CCDC192: variants seen among roughly 807,000 people sequenced by gnomAD.
CCDC192 encodes coiled-coil domain containing 192.
chr5:127,784,148 T>G (rs952247533), intron 3 of CCDC192, among the ~76,000 whole-genome samples: 2 of 152,226 alleles, frequency 1.3e-5, no homozygotes, highest in Non-Finnish European at 2.9e-5. Flanking sequence ...TATTGAGATG[T>G]GAGGCACCAT....
intron 6 of CCDC192, among the ~76,000 whole-genome samples, chr5:127,940,060 T>A (rs1019731491): frequency 1.3e-5 from 2 of 152,188 alleles, no homozygotes; most frequent in Non-Finnish European, 2.9e-5. Flanking sequence ...AAGATGGACT[T>A]GAGTTTAAGG....
chr5:127,713,193 C>A (rs1310746658), intron 2 of CCDC192, among the ~76,000 whole-genome samples: 1 of 151,544 alleles, frequency 6.6e-6, no homozygotes, highest in Non-Finnish European at 1.5e-5. Context: ...GAGATCACAC[C>A]ATTGGACTCC....
At chr5:127,738,410 T>C (rs1753165326) in intron 2 of CCDC192, among the ~76,000 whole-genome samples, 1 of 140,174 alleles carries the variant, frequency 7.1e-6, no homozygotes, top group Non-Finnish European at 1.5e-5. Flanking sequence ...TTATGTGTCT[T>C]GGAGTTGCTC....
intron 6 of CCDC192, among the ~76,000 whole-genome samples, chr5:127,888,241 C>G (rs2127152790): frequency 6.6e-6 from 1 of 151,894 alleles, no homozygotes; most frequent in African/African-American, 2.4e-5. Context: ...CATGGTGAAA[C>G]CCCACCTCTA....
At chr5:127,845,744 A>G (rs969734326) in intron 5 of CCDC192, among the ~76,000 whole-genome samples, 4 of 152,208 alleles carry the variant, frequency 2.6e-5, no homozygotes, top group African/African-American at 7.2e-5. Context: ...AAAAAAAGCT[A>G]TAACTCTTAC....
intron 5 of CCDC192, among the ~76,000 whole-genome samples, chr5:127,866,306 G>A (rs1751610063): frequency 6.6e-6 from 1 of 151,704 alleles, no homozygotes; most frequent in Non-Finnish European, 1.5e-5. Context: ...CAAGTTTGAT[G>A]CTTTAATTTT....
At chr5:127,926,821 A>T (rs1753875841) in intron 6 of CCDC192, among the ~76,000 whole-genome samples, 1 of 152,170 alleles carries the variant, frequency 6.6e-6, no homozygotes, top group Admixed American at 6.5e-5. Flanking sequence ...ACCTATAGAG[A>T]GGGAAAAGAA....
At chr5:127,879,337 A>G (rs1433383343) in intron 6 of CCDC192, among the ~76,000 whole-genome samples, 5 of 146,236 alleles carry the variant, frequency 3.4e-5, no homozygotes, top group South Asian at 2.3e-4. Flanking sequence ...GCAATGGGGA[A>G]AGGATTCCCT....
chr5:127,922,806 C>T (rs910211339), intron 6 of CCDC192, among the ~76,000 whole-genome samples: 2 of 152,210 alleles, frequency 1.3e-5, no homozygotes, highest in African/African-American at 4.8e-5. Context: ...ATAGCTCACT[C>T]ACTTATTCAG....
At chr5:127,819,232 A>C (rs749621473) in intron 5 of CCDC192, among the ~76,000 whole-genome samples, 51 of 152,072 alleles carry the variant, frequency 3.4e-4, no homozygotes, top group Non-Finnish European at 5.6e-4. Flanking sequence ...ACTACTAGGA[A>C]GCGCGCTAAC....
At chr5:127,908,492 C>T (rs563912675) in intron 6 of CCDC192, among the ~76,000 whole-genome samples, 1 of 152,220 alleles carries the variant, frequency 6.6e-6, no homozygotes, top group South Asian at 2.1e-4. Flanking sequence ...ATAAAAACCT[C>T]AAACAAATTA....
intron 5 of CCDC192, among the ~76,000 whole-genome samples, chr5:127,805,535 C>G (rs1757733294): frequency 6.6e-6 from 1 of 152,142 alleles, no homozygotes; most frequent in African/African-American, 2.4e-5. Flanking sequence ...CAGACTCAGA[C>G]CACATGGCAG....
intron 5 of CCDC192, among the ~76,000 whole-genome samples, chr5:127,863,749 G>C (rs939335869): frequency 1.3e-5 from 2 of 152,142 alleles, no homozygotes; most frequent in Non-Finnish European, 2.9e-5. Context: ...AAGTCTTCGA[G>C]TTGAAAAGTC....
upstream of CCDC192, among the ~76,000 whole-genome samples, chr5:127,703,211 G>C (rs1561434986): frequency 6.6e-6 from 1 of 152,316 alleles, no homozygotes; most frequent in Non-Finnish European, 1.5e-5. Flanking sequence ...TGGCTATGTG[G>C]TGATTCTTCA....
At chr5:127,877,144 A>AAT (rs943721392) in intron 6 of CCDC192, among the ~76,000 whole-genome samples, 6 of 151,766 alleles carry the variant, frequency 4.0e-5, no homozygotes, top group Non-Finnish European at 7.4e-5. Context: ...CCGGTGCAAA[A>AAT]ATATATATAT....
intron 6 of CCDC192, among the ~76,000 whole-genome samples, chr5:127,931,256 T>A (rs190386006): frequency 6.3e-4 from 96 of 152,324 alleles, no homozygotes; most frequent in African/African-American, 2.3e-3. Context: ...GAAATAGATC[T>A]ATTCATCCAC....
At chr5:127,731,895 A>G (rs1037793632) in intron 2 of CCDC192, among the ~76,000 whole-genome samples, 1 of 152,212 alleles carries the variant, frequency 6.6e-6, no homozygotes, top group African/African-American at 2.4e-5. Context: ...ACCCAAAACT[A>G]TAACATCCCA....
chr5:127,873,807 G>A (rs536460405), intron 5 of CCDC192, among the ~76,000 whole-genome samples: 12 of 152,180 alleles, frequency 7.9e-5, no homozygotes, highest in Non-Finnish European at 1.3e-4. Flanking sequence ...ACAGGCCTGG[G>A]ATAGATGAGA....
At chr5:127,767,232 C>A (rs771059614) in intron 3 of CCDC192, among the ~76,000 whole-genome samples, 33 of 152,080 alleles carry the variant, frequency 2.2e-4, no homozygotes, top group Non-Finnish European at 3.8e-4. Flanking sequence ...ATGTCAGCTA[C>A]CCTGTAGGAT....
Sources: allele counts gnomAD v4.1 joint callset (sites outside exome capture counted in the v4.1 genomes callset), GRCh38; gene constraint gnomAD v4.1.1; transcripts MANE v1.5; gene names NCBI Gene and HGNC (gene_info 2026-07-23, HGNC 2026-07-21).